GSAP: variants seen among roughly 807,000 people sequenced by gnomAD.
The protein encoded by GSAP is gamma-secretase-activating protein.
Under a neutral mutation model 131.7 loss-of-function variants are expected in GSAP, and 118 were observed. That is an observed-to-expected ratio of 0.90 (90% CI 0.77 to 1.04). The LOEUF (loss-of-function observed/expected upper bound fraction) is 1.04. GSAP is among the 50% of genes least tolerant of loss of function. GSAP has a pLI of 0.00. For missense variants in GSAP, 1,019 were observed against 1,013.2 expected (o/e 1.01, Z -0.08); for synonymous variants, 381 against 363.4 (o/e 1.05, Z -0.55).
intron 1 of GSAP, among the ~76,000 whole-genome samples, chr7:77,412,348 A>G (rs1453188190): frequency 6.6e-6 from 1 of 152,188 alleles, no homozygotes; most frequent in Non-Finnish European, 1.5e-5. Flanking sequence ...GGACTCCTAT[A>G]AATCACATAA....
At chr7:77,314,693 T>C in intron 26 of GSAP, 1 of 504,152 alleles carries the variant, frequency 2.0e-6, no homozygotes, top group East Asian at 3.8e-5. Context: ...AAGTTTCCGG[T>C]AAGTATACAT....
chr7:77,331,941 G>A (rs1027717206), intron 19 of GSAP: 1 of 151,670 alleles, frequency 6.6e-6, no homozygotes, highest in Non-Finnish European at 1.5e-5. Context: ...ACGTTTGATG[G>A]AATTAGGTCC....
chr7:77,331,169 C>T (rs1231205858), intron 19 of GSAP, among the ~76,000 whole-genome samples: 3 of 152,042 alleles, frequency 2.0e-5, no homozygotes, highest in Admixed American at 1.3e-4. Context: ...GGTGCAGTGG[C>T]GGGCGCTTGT....
chr7:77,365,744 T>C (rs1165883531), intron 12 of GSAP, among the ~76,000 whole-genome samples: 2 of 152,102 alleles, frequency 1.3e-5, no homozygotes, highest in Non-Finnish European at 2.9e-5. Context: ...TCTAAGTATA[T>C]ACCCAGTAAT....
At chr7:77,374,026 C>T (rs373203085) in intron 12 of GSAP, 44 bp downstream of exon 12, 44 of 1,090,720 alleles carry the variant, frequency 4.0e-5, no homozygotes, top group Non-Finnish European at 5.8e-5. Context: ...TTGTCTAGAA[C>T]TCAAATACGG....
chr7:77,312,529 T>C (rs1049166329), intron 28 of GSAP, among the ~76,000 whole-genome samples: 2 of 152,090 alleles, frequency 1.3e-5, no homozygotes, highest in East Asian at 1.9e-4. Context: ...CTAAGGGGGG[T>C]ACGCATGTTT....
At chr7:77,319,558 A>T (rs1762449917) in intron 26 of GSAP, among the ~76,000 whole-genome samples, 1 of 152,266 alleles carries the variant, frequency 6.6e-6, no homozygotes, top group South Asian at 2.1e-4. Context: ...AAATATCTGT[A>T]AGAACTGAAA....
At chr7:77,346,957 C>G (rs1157872614) in intron 19 of GSAP, among the ~76,000 whole-genome samples, 1 of 149,752 alleles carries the variant, frequency 6.7e-6, no homozygotes, top group African/African-American at 2.5e-5. Context: ...GCCCCACCCC[C>G]CTGCCTTTCT....
At chr7:77,323,361 T>C (rs1339587577) in intron 24 of GSAP, among the ~76,000 whole-genome samples, 2 of 152,216 alleles carry the variant, frequency 1.3e-5, no homozygotes, top group Non-Finnish European at 2.9e-5. Flanking sequence ...CAAGATGAGA[T>C]ATTAACATTT....
chr7:77,362,078 G>A (rs1794601692), intron 13 of GSAP, among the ~76,000 whole-genome samples: 1 of 152,100 alleles, frequency 6.6e-6, no homozygotes, highest in African/African-American at 2.4e-5. Flanking sequence ...AAAAATATAT[G>A]ATATATAAAA....
chr7:77,354,041 G>C (rs1793300403), intron 16 of GSAP, among the ~76,000 whole-genome samples: 1 of 152,170 alleles, frequency 6.6e-6, no homozygotes. Context: ...TCCTGGGTGT[G>C]AATACGGACA....
intron 28 of GSAP, among the ~76,000 whole-genome samples, chr7:77,312,525 G>A (rs1166767554): frequency 6.6e-6 from 1 of 152,212 alleles, no homozygotes; most frequent in Non-Finnish European, 1.5e-5. Context: ...GAAACTAAGG[G>A]GGGTACGCAT....
intron 5 of GSAP, among the ~76,000 whole-genome samples, chr7:77,388,095 A>G (rs1045081013): frequency 1.4e-4 from 22 of 152,228 alleles, no homozygotes; most frequent in African/African-American, 5.3e-4. Context: ...TGATTTTCTT[A>G]AAGTTTGACT....
intron 3 of GSAP, among the ~76,000 whole-genome samples, chr7:77,399,058 T>G (rs1800896793): frequency 6.6e-6 from 1 of 152,230 alleles, no homozygotes; most frequent in Admixed American, 6.5e-5. Context: ...TTAGTTTGCC[T>G]CCTACATTTA....
At position 77,353,429 on chromosome 7, in the gene GSAP, C is replaced by A. The variant is rs544299240; in HGVS notation, c.1408+143G>T. The A allele has an allele frequency of 2.6e-5, 15 of 586,600 alleles. No homozygotes were observed. In the South Asian group the frequency reaches 3.3e-4, roughly 13 times the overall value. 36.3% of individuals were successfully genotyped at this position (586,600 alleles called of 1,614,324 possible). On this transcript the variant is annotated intron_variant, in intron 17 of 30. Transcript: ENST00000257626. ...AGAATGAAATTTAATTAGCTGCTGA[C>A]TCCGATAGAGTTTTGTTTTTTTTTT...
At chr7:77,358,082 T>C (rs537336032) in intron 14 of GSAP, among the ~76,000 whole-genome samples, 61 of 152,358 alleles carry the variant, frequency 4.0e-4, no homozygotes, top group Middle Eastern at 6.8e-3. Flanking sequence ...GGCTCACGCC[T>C]GTAATCCCAG....
intron 12 of GSAP, among the ~76,000 whole-genome samples, chr7:77,367,164 A>C (rs559389273): frequency 6.6e-6 from 1 of 152,318 alleles, no homozygotes; most frequent in South Asian, 2.1e-4. Context: ...TGCCGTATGC[A>C]AACAGGGATA....
At chr7:77,328,342 A>G (rs1788607029) in intron 22 of GSAP, 1 of 1,221,706 alleles carries the variant, frequency 8.2e-7, no homozygotes, top group Admixed American at 4.2e-5. Flanking sequence ...GCTCTGTATG[A>G]CAGGAAATAA....
intron 18 of GSAP, among the ~76,000 whole-genome samples, chr7:77,350,389 A>T (rs1479470289): frequency 6.6e-6 from 1 of 150,390 alleles, no homozygotes; most frequent in Non-Finnish European, 1.5e-5. Flanking sequence ...TAACCTGCAC[A>T]TTGTGCACAT....
Sources: allele counts gnomAD v4.1 joint callset (sites outside exome capture counted in the v4.1 genomes callset), GRCh38; gene constraint gnomAD v4.1.1; transcripts MANE v1.5; gene names NCBI Gene and HGNC (gene_info 2026-07-23, HGNC 2026-07-21).